The following STARD13 variants were observed in gnomAD, a reference collection of about 807,000 sequenced individuals.
STARD13 encodes stAR-related lipid transfer protein 13.
In STARD13, 62 loss-of-function variants were observed where a neutral mutation model predicts 106.4. That is an observed-to-expected ratio of 0.58 (90% confidence interval 0.48 to 0.72). STARD13 has a LOEUF of 0.72. Ranked by LOEUF, STARD13 falls within the 30% of genes least tolerant of loss-of-function variation. The pLI is 0.00. For synonymous variants in STARD13, 565 were observed against 553.0 expected, an observed-to-expected ratio of 1.02 and a Z score of -0.31; for missense variants, 1,387 against 1,424.0, an observed-to-expected ratio of 0.97 and a Z score of 0.42.
chr13:33,608,622 C>T, the STARD13 span, among the ~76,000 whole-genome samples: 1 of 152,110 alleles, frequency 6.6e-6, no homozygotes, highest in Non-Finnish European at 1.5e-5. Flanking sequence ...ATAAGGTAGA[C>T]TCTTCAACAG....
At chr13:33,306,795 C>T (rs1181227648) in intron 1 of STARD13, among the ~76,000 whole-genome samples, 1 of 151,986 alleles carries the variant, frequency 6.6e-6, no homozygotes, top group African/African-American at 2.4e-5. Context: ...ACTAAAAATA[C>T]AAAAATTAGC....
chr13:33,551,207 G>GTGCC, the STARD13 span, among the ~76,000 whole-genome samples: 1 of 152,220 alleles, frequency 6.6e-6, no homozygotes, highest in African/African-American at 2.4e-5. Context: ...CTTTGTGGAT[G>GTGCC]TGCCTGCATG....
intron 1 of STARD13, among the ~76,000 whole-genome samples, chr13:33,217,078 C>T (rs1888086847): frequency 6.6e-6 from 1 of 151,960 alleles, no homozygotes. Context: ...CTGGACTGCC[C>T]CATATGTAAG....
chr13:33,440,471 A>T, the STARD13 span, among the ~76,000 whole-genome samples: 1 of 151,414 alleles, frequency 6.6e-6, no homozygotes, highest in African/African-American at 2.4e-5. Flanking sequence ...TCCTTCTGCA[A>T]CTTTATCCTT....
chr13:33,113,332 G>A (rs1253845747), intron 8 of STARD13: 1 of 368,014 alleles, frequency 2.7e-6, no homozygotes, highest in Non-Finnish European at 5.3e-6. Flanking sequence ...GACAGCTTGG[G>A]AAGCCACTCT....
intron 4 of STARD13, among the ~76,000 whole-genome samples, chr13:33,138,108 T>G (rs1879296761): frequency 6.6e-6 from 1 of 152,256 alleles, no homozygotes; most frequent in South Asian, 2.1e-4. Context: ...CAGAACCTTC[T>G]TTGGAAGCTG....
At chr13:33,616,723 G>C in the STARD13 span, among the ~76,000 whole-genome samples, 1 of 152,212 alleles carries the variant, frequency 6.6e-6, no homozygotes, top group Non-Finnish European at 1.5e-5. Flanking sequence ...TATAGCCTCT[G>C]CCTTTAAATT....
intron 8 of STARD13, 181 bp downstream of exon 8, chr13:33,117,884 G>T (rs1223951539): frequency 2.1e-5 from 21 of 985,166 alleles, no homozygotes; most frequent in Non-Finnish European, 2.5e-5. Context: ...ATAAAAAAAT[G>T]GCTTGTGGAT....
chr13:33,294,306 A>G (rs1161698326), intron 1 of STARD13, among the ~76,000 whole-genome samples: 2 of 152,326 alleles, frequency 1.3e-5, no homozygotes, highest in Non-Finnish European at 2.9e-5. Flanking sequence ...TTTTGTGGGA[A>G]CAGCTATCCA....
At position 33,109,986 on chromosome 13, in the gene STARD13, G is replaced by A. The variant is rs547592042; in HGVS notation, c.2934C>T (p.Asp978=). 9.5e-5 allele frequency: 153 copies of A among 1,614,162 alleles called. 2 individuals are homozygous for A. The Middle Eastern group carries it at 9.9e-4, about 10-fold the overall frequency. ...CAACCTTCCACTGCACAAAGTCCTCGTCCCACAGGTGGCGCTCTCTCAGCA... is the reference window on the plus strand; with the variant it reads ...CAACCTTCCACTGCACAAAGTCCTCATCCCACAGGTGGCGCTCTCTCAGCA... ...NRVLRERHLW[D]EDFVQWKVVE... The change falls in exon 12 of 14, where the codon GAC becomes GAT. Residue 978 remains aspartate (D), a synonymous_variant. Transcript: ENST00000336934.
At chr13:33,557,255 T>G in the STARD13 span, among the ~76,000 whole-genome samples, 1 of 152,194 alleles carries the variant, frequency 6.6e-6, no homozygotes, top group African/African-American at 2.4e-5. Flanking sequence ...GTGTTGCTTT[T>G]GTTTCAGAAG....
chr13:33,455,869 G>A, the STARD13 span, among the ~76,000 whole-genome samples: 1 of 152,140 alleles, frequency 6.6e-6, no homozygotes, highest in Non-Finnish European at 1.5e-5. Context: ...ACTTGAACCT[G>A]GGAGGCAGAG....
At chr13:33,478,883 T>C in the STARD13 span, among the ~76,000 whole-genome samples, 1 of 152,158 alleles carries the variant, frequency 6.6e-6, no homozygotes, top group Admixed American at 6.6e-5. Context: ...GCCACTATAC[T>C]CCAGCCTGGG....
the STARD13 span, among the ~76,000 whole-genome samples, chr13:33,589,936 G>A: frequency 6.6e-6 from 1 of 152,178 alleles, no homozygotes; most frequent in Admixed American, 6.5e-5. Flanking sequence ...GGGAGTCTAA[G>A]TCTCTTTGTA....
the STARD13 span, among the ~76,000 whole-genome samples, chr13:33,499,576 CTT>C: frequency 1.5e-5 from 1 of 68,870 alleles, no homozygotes; most frequent in African/African-American, 5.4e-5. Context: ...TCTTCTTCTT[CTT>C]CTTCTTCTTC....
At chr13:33,429,981 G>C in the STARD13 span, among the ~76,000 whole-genome samples, 9 of 151,476 alleles carry the variant, frequency 5.9e-5, no homozygotes, top group Non-Finnish European at 1.0e-4. Context: ...GCAGTGGCGC[G>C]ATCTCGGCTC....
the STARD13 span, among the ~76,000 whole-genome samples, chr13:33,361,182 C>G: frequency 6.6e-6 from 1 of 151,306 alleles, no homozygotes; most frequent in Admixed American, 6.6e-5. Context: ...CTCTGCCCTC[C>G]GAGACAGCAA....
rs775503857 is a variant in STARD13 at position 33,106,783 on chromosome 13, T to A, written c.3199A>T (p.Thr1067Ser). 1 of 1,613,252 alleles carries A rather than the reference T, an allele frequency of 6.2e-7. No individual in the cohort carries two copies. Among genetic ancestry groups the A allele is most frequent in the South Asian group, 1.1e-5 (1 of 90,906 alleles). ...TTCAGGTCTATCCTGCAGATGTGAG[T>A]CAGTCTTGACTTGCCAGAGCCACAC... The part of the protein sequence containing the change: ...EPCGSGKSRL[T>S]HICRIDLKGH... Residue 1067 changes from threonine to serine, a missense_variant, in exon 13 of 14, where the codon ACT becomes TCT. By Grantham distance (58) the Thr-to-Ser change is moderately conservative. Transcript: ENST00000336934.
At chr13:33,339,400 T>C (rs2077934282) in intron 1 of STARD13, among the ~76,000 whole-genome samples, 1 of 152,250 alleles carries the variant, frequency 6.6e-6, no homozygotes, top group Middle Eastern at 3.2e-3. Context: ...TAAGACACTG[T>C]ACAATCTATG....
Sources: gnomAD v4.1 joint callset for allele counts (sites outside exome capture counted in the v4.1 genomes callset) on GRCh38, gnomAD v4.1.1 for gene constraint, MANE v1.5 for transcripts, NCBI Gene and HGNC (gene_info 2026-07-23, HGNC 2026-07-21) for gene names.